SPDEF: variants seen among roughly 807,000 people sequenced by gnomAD.
The protein encoded by SPDEF is SAM pointed domain containing ETS transcription factor.
A neutral mutation model predicts 36.0 loss-of-function variants in SPDEF; 12 were observed. That is an observed-to-expected ratio of 0.33 (90% CI 0.21 to 0.54). The LOEUF (loss-of-function observed/expected upper bound fraction) is 0.54. Among genes scored for constraint, SPDEF ranks in the 20% least tolerant of loss-of-function variants. The probability of loss-of-function intolerance (pLI) is 0.93; values close to 1 mark genes in which losing one functional copy is unlikely to be tolerated. For missense variants in SPDEF, 388 were observed against 456.9 expected, an observed-to-expected ratio of 0.85 and a Z score of 1.37; for synonymous variants, 205 against 193.0, an observed-to-expected ratio of 1.06 and a Z score of -0.51.
intron 3 of SPDEF, among the ~76,000 whole-genome samples, chr6:34,540,038 TG>T (rs1561976396): frequency 2.0e-5 from 3 of 152,122 alleles, no homozygotes; most frequent in Admixed American, 2.0e-4. Flanking sequence ...TGGAGGCTCA[TG>T]CCTGTAGTCC....
In SPDEF at chr6:34,538,128, G is replaced by A; in HGVS notation, c.*146C>T. On this transcript the variant is annotated 3_prime_UTR_variant, in exon 6 of 6. Transcript: ENST00000374037. This position sits in a 1 kb window ranked among gnomAD's most constrained non-coding sequence, Gnocchi z 5.9. Reference sequence around the variant, plus strand: ...AGAGGACCCATATCCCCCTGGGGCAGTTGGTTGCCCCTCCCTGACCTTGGG... The same window carrying A: ...AGAGGACCCATATCCCCCTGGGGCAATTGGTTGCCCCTCCCTGACCTTGGG... The A allele has an allele frequency of 2.3e-6, 2 of 854,014 alleles. No individual in the cohort carries two copies. Among genetic ancestry groups the A allele is most frequent in the Non-Finnish European group, 3.6e-6 (2 of 561,700 alleles). The allele number at this position is 854,014 out of a possible 1,614,324, so 52.9% of individuals were successfully genotyped here. A position where few individuals can be genotyped will look rare whatever the true frequency, so the allele number is the denominator to read the frequency against.
At chr6:34,541,782 G>C (rs1235316573) in intron 2 of SPDEF, among the ~76,000 whole-genome samples, 1 of 152,242 alleles carries the variant, frequency 6.6e-6, no homozygotes, top group African/African-American at 2.4e-5. Context: ...GTGGCCATGG[G>C]GCAGCCACAG....
chr6:34,545,857 G>A, intron 1 of SPDEF, among the ~76,000 whole-genome samples: 1 of 151,974 alleles, frequency 6.6e-6, no homozygotes, highest in Admixed American at 6.6e-5. Flanking sequence ...CGGCTGCAGT[G>A]AGCCGAGATC....
intron 1 of SPDEF, among the ~76,000 whole-genome samples, chr6:34,547,189 C>T (rs1767973284): frequency 6.6e-6 from 1 of 152,128 alleles, no homozygotes; most frequent in African/African-American, 2.4e-5. Flanking sequence ...TTGGCCTCAG[C>T]CACAGGTAGG....
chr6:34,549,603 G>T (rs1226175342), intron 1 of SPDEF, among the ~76,000 whole-genome samples: 10 of 152,214 alleles, frequency 6.6e-5, no homozygotes, highest in Admixed American at 6.5e-4. Flanking sequence ...AAGGACCCAG[G>T]TCGCTGTGCG....
chr6:34,541,241 G>A (rs564665171), intron 2 of SPDEF, 60 bp from the exon 3 acceptor site: 13 of 1,487,426 alleles, frequency 8.7e-6, no homozygotes, highest in South Asian at 8.6e-5. Flanking sequence ...CTGCTGTGAT[G>A]GGGCACCCAT....
chr6:34,543,871 CTG>C, intron 2 of SPDEF, 147 bp downstream of exon 2: 3 of 706,984 alleles, frequency 4.2e-6, no homozygotes, highest in South Asian at 2.1e-5. Flanking sequence ...TCACAGCTGA[CTG>C]TGTGTAGAAG....
At chr6:34,542,853 C>T (rs1440727514) in intron 2 of SPDEF, among the ~76,000 whole-genome samples, 16 of 142,294 alleles carry the variant, frequency 1.1e-4, no homozygotes, top group African/African-American at 4.0e-4. Context: ...CACACCACTG[C>T]ACTCCAGCCT....
At chr6:34,543,930 A>G (rs1460491643) in intron 2 of SPDEF, 90 bp downstream of exon 2, 3 of 1,311,472 alleles carry the variant, frequency 2.3e-6, no homozygotes, top group Non-Finnish European at 3.2e-6. Context: ...AGGTGGCCAG[A>G]GTCCATCCAG....
At chr6:34,551,962 C>G (rs995837673) in intron 1 of SPDEF, among the ~76,000 whole-genome samples, 2 of 152,212 alleles carry the variant, frequency 1.3e-5, no homozygotes, top group Non-Finnish European at 2.9e-5. Context: ...AATTGCCATT[C>G]ACGTCTTCCT....
chr6:34,550,560 C>T (rs1319488275), intron 1 of SPDEF, among the ~76,000 whole-genome samples: 2 of 151,988 alleles, frequency 1.3e-5, no homozygotes. Flanking sequence ...CATGAGTAGA[C>T]GAGGTGGGTT....
chr6:34,547,494 T>C (rs976910227), intron 1 of SPDEF, among the ~76,000 whole-genome samples: 3 of 151,972 alleles, frequency 2.0e-5, no homozygotes, highest in South Asian at 2.1e-4. Flanking sequence ...ACCTCCCAAG[T>C]AGCTGGGACT....
At chr6:34,549,357 C>A (rs901481298) in intron 1 of SPDEF, among the ~76,000 whole-genome samples, 37 of 152,124 alleles carry the variant, frequency 2.4e-4, no homozygotes, top group African/African-American at 8.9e-4. Flanking sequence ...TTCCATTCCC[C>A]CAGGAAGGAA....
chr6:34,540,427 A>G (rs1428616552), intron 3 of SPDEF, among the ~76,000 whole-genome samples: 1 of 152,010 alleles, frequency 6.6e-6, no homozygotes, highest in East Asian at 1.9e-4. Context: ...AAAAAAAAGA[A>G]TAAGAACTGC....
chr6:34,538,514 C>T lies in SPDEF; in HGVS notation c.830-62G>A, dbSNP rs888707430. The T allele has an allele frequency of 2.4e-5, 37 of 1,516,654 alleles. No homozygotes were observed. Among genetic ancestry groups the T allele is most frequent in the African/African-American group, 1.6e-4 (12 of 72,802 alleles). The allele number at this position is 1,516,654 out of a possible 1,614,324, so 93.9% of individuals were successfully genotyped here. A position where few individuals can be genotyped will look rare whatever the true frequency, so the allele number is the denominator to read the frequency against. ...AGTGAGGTGGCAAGAAGGAGAAAGACGCAGACCACCAGGTCAGCCTCGTGG... is the reference window on the plus strand; with the variant it reads ...AGTGAGGTGGCAAGAAGGAGAAAGATGCAGACCACCAGGTCAGCCTCGTGG... On this transcript the variant is annotated intron_variant, in intron 5 of 5. Transcript: ENST00000374037. The surrounding 1 kb of genome is among the most constrained non-coding windows in gnomAD (Gnocchi z 5.9).
At position 34,538,354 on chromosome 6, in the gene SPDEF, G is replaced by C; in HGVS notation, c.928C>G (p.Arg310Gly). 2 of 1,614,150 alleles carry C rather than the reference G, an allele frequency of 1.2e-6. No homozygotes were observed. The highest frequency in any genetic ancestry group is 1.7e-6 in the Non-Finnish European group (2 of 1,179,982). Reference protein sequence around the residue: ...MNYDKLSRSIRQYYKKGIIRK... With the variant: ...MNYDKLSRSIGQYYKKGIIRK... Reference sequence around the variant, plus strand: ...ATGATGCCCTTCTTGTAATACTGGCGGATGGAGCGGCTCAGCTTGTCGTAG... The same window carrying C: ...ATGATGCCCTTCTTGTAATACTGGCCGATGGAGCGGCTCAGCTTGTCGTAG... Residue 310 changes from arginine to glycine, a missense_variant, in exon 6 of 6, where the codon CGC becomes GGC. Transcript: ENST00000374037. This position sits in a 1 kb window ranked among gnomAD's most constrained non-coding sequence, Gnocchi z 5.9.
chr6:34,546,176 G>A (rs1767949147), intron 1 of SPDEF, among the ~76,000 whole-genome samples: 2 of 152,336 alleles, frequency 1.3e-5, no homozygotes. Flanking sequence ...GAATTCTCAG[G>A]CAGTTCACAG....
At chr6:34,546,706 A>G (rs1254711842) in intron 1 of SPDEF, among the ~76,000 whole-genome samples, 1 of 133,246 alleles carries the variant, frequency 7.5e-6, no homozygotes, top group African/African-American at 2.9e-5. Context: ...TGCCAGCAGG[A>G]GGGAAGGGTG....
At position 34,539,464 on chromosome 6, in the gene SPDEF, C is replaced by T. The variant is rs1767768807; in HGVS notation, c.682+51G>A. On this transcript the variant is annotated intron_variant, in intron 4 of 5. Transcript: ENST00000374037. This position sits in a 1 kb window ranked among gnomAD's most constrained non-coding sequence, Gnocchi z 5.2. ...CAGTCCCGGCTTCATTGGCAGCCAC[C>T]CCTCCACCCCACCCGAGCCCCCGCC... is the stretch of plus-strand genomic sequence containing the variant. The T allele has an allele frequency of 6.2e-7, 1 of 1,607,618 alleles. No homozygotes were observed. Among genetic ancestry groups the T allele is most frequent in the Non-Finnish European group, 8.5e-7 (1 of 1,178,488 alleles).
Sources: gnomAD v4.1 joint callset for allele counts (sites outside exome capture counted in the v4.1 genomes callset) on GRCh38, gnomAD v4.1.1 for gene constraint, Gnocchi (gnomAD v3.1) non-coding constraint, MANE v1.5 for transcripts, NCBI Gene and HGNC (gene_info 2026-07-23, HGNC 2026-07-21) for gene names.